POMGNT2: variants seen among roughly 807,000 people sequenced by gnomAD.
The protein encoded by POMGNT2 is protein O-linked mannose N-acetylglucosaminyltransferase 2 (beta 1,4-), also known as protein O-linked-mannose beta-1,4-N-acetylglucosaminyltransferase 2.
POMGNT2 carries 32 observed loss-of-function variants against 37.8 expected under a neutral mutation model. That is an observed-to-expected ratio of 0.85 (90% CI 0.64 to 1.14). The LOEUF (loss-of-function observed/expected upper bound fraction) is 1.14. Ranked by LOEUF, POMGNT2 falls within the 50% of genes most tolerant of loss-of-function variation. The pLI, the probability that POMGNT2 is intolerant of heterozygous loss-of-function variation, is 0.00. For missense variants in POMGNT2, 705 were observed against 780.6 expected, an observed-to-expected ratio of 0.90 and a Z score of 1.15; for synonymous variants, 340 against 336.8, an observed-to-expected ratio of 1.01 and a Z score of -0.10.
intron 1 of POMGNT2, among the ~76,000 whole-genome samples, chr3:43,091,768 G>A (rs2089945247): frequency 6.6e-6 from 1 of 152,340 alleles, no homozygotes; most frequent in South Asian, 2.1e-4. Flanking sequence ...ATGATGCACT[G>A]AGACAAGACC....
At chr3:43,096,454 T>C (rs536254079) in intron 1 of POMGNT2, among the ~76,000 whole-genome samples, 1 of 152,336 alleles carries the variant, frequency 6.6e-6, no homozygotes, top group East Asian at 1.9e-4. Flanking sequence ...TATTACTCCA[T>C]TTTATAGATT....
chr3:43,104,193 C>T (rs182656428), intron 1 of POMGNT2, among the ~76,000 whole-genome samples: 114 of 152,282 alleles, frequency 7.5e-4, no homozygotes, highest in Non-Finnish European at 1.2e-3. Flanking sequence ...CTCCAAAGCC[C>T]GTGATGACAT....
In POMGNT2 at chr3:43,080,439, G is replaced by A. The variant is rs1173533943; in HGVS notation, c.993C>T (p.Val331=). The part of the protein sequence containing the change: ...VSLEDHTFAD[V]VRLVSNASML... ...TGGAGGCATTGCTGACCAGCCGCACGACATCAGCAAAGGTGTGGTCCTCCA... is the reference window on the plus strand; with the variant it reads ...TGGAGGCATTGCTGACCAGCCGCACAACATCAGCAAAGGTGTGGTCCTCCA... The change falls in exon 2 of 2, where the codon GTC becomes GTT. Residue 331 remains valine, a synonymous_variant. Transcript: ENST00000344697. 1.2e-6 allele frequency: 2 copies of A among 1,614,162 alleles called. No individual in the cohort carries two copies. The highest frequency in any genetic ancestry group is 8.5e-7 in the Non-Finnish European group (1 of 1,180,030).
At position 43,095,215 on chromosome 3, in the gene POMGNT2, TGAG is replaced by T. The variant is rs199963320; in HGVS notation, c.-106+10618_-106+10620del. On this transcript the variant is annotated intron_variant, in intron 1 of 1. Transcript: ENST00000344697. ...GGGCTGCCCAGATGGAGTCTTGCCA[TGAG>T]GAGGTGAGAGGTGGCACTTGGAGGC... 8.5e-3 allele frequency among the ~76,000 whole-genome samples: 1,287 copies of T among 152,226 alleles called. 22 individuals are homozygous for T. The highest frequency in any genetic ancestry group is 0.029 in the African/African-American group (1,211 of 41,528).
At chr3:43,095,783 A>G (rs2089975576) in intron 1 of POMGNT2, among the ~76,000 whole-genome samples, 1 of 152,192 alleles carries the variant, frequency 6.6e-6, no homozygotes, top group Non-Finnish European at 1.5e-5. Flanking sequence ...TCCAGTCTTC[A>G]TTAAAGTGGG....
At chr3:43,084,877 CTTCT>C (rs1262238664) in intron 1 of POMGNT2, among the ~76,000 whole-genome samples, 15 of 150,902 alleles carry the variant, frequency 9.9e-5, no homozygotes, top group Non-Finnish European at 8.8e-5. Flanking sequence ...GTTTTTATAA[CTTCT>C]TTTTTTTTGC....
intron 1 of POMGNT2, 50 bp downstream of exon 1, chr3:43,105,786 C>G (rs1330261577): frequency 6.6e-6 from 1 of 152,170 alleles, no homozygotes; most frequent in Non-Finnish European, 1.5e-5. Flanking sequence ...ACTTCAAGTC[C>G]CAGGCGGGTG....
In POMGNT2 at chr3:43,080,471, C is replaced by T. The variant is rs918587505; in HGVS notation, c.961G>A (p.Val321Met). The T allele has an allele frequency of 2.5e-6, 4 of 1,614,078 alleles. No homozygotes were observed. The East Asian group carries it at 8.9e-5, about 36-fold the overall frequency. Reference protein sequence around the residue: ...AQEFQMKTVTVSLEDHTFADV... With the variant: ...AQEFQMKTVTMSLEDHTFADV... ...GCAAAGGTGTGGTCCTCCAGGGACACTGTCACTGTCTTCATCTGGAACTCC... is the reference window on the plus strand; with the variant it reads ...GCAAAGGTGTGGTCCTCCAGGGACATTGTCACTGTCTTCATCTGGAACTCC... Residue 321 changes from valine to methionine, a missense_variant, in exon 2 of 2, where the codon GTG (valine) becomes ATG (methionine). Val to Met is a conservative substitution (Grantham distance 21). Transcript: ENST00000344697.
At position 43,081,069 on chromosome 3, in the gene POMGNT2, G is replaced by A. The variant is rs200345083; in HGVS notation, c.363C>T (p.Thr121=). The change falls in exon 2 of 2, where the codon ACC becomes ACT. Residue 121 remains threonine (T), a synonymous_variant. Transcript: ENST00000344697. ...RFQPALLDLS[T]VEDHNTQYFN... ...AGTACTGAGTGTTGTGGTCCTCCACGGTGGATAGGTCGAGCAGGGCTGGCT... is the reference window on the plus strand; with the variant it reads ...AGTACTGAGTGTTGTGGTCCTCCACAGTGGATAGGTCGAGCAGGGCTGGCT... 5.6e-5 allele frequency: 90 copies of A among 1,614,226 alleles called. 1 individual carries two copies. Among genetic ancestry groups the A allele is most frequent in the Middle Eastern group, 3.3e-4 (2 of 6,062 alleles).
rs1450186714 is a variant in POMGNT2 at position 43,105,668 on chromosome 3, C to T, written c.-106+168G>A. 4.4e-4 allele frequency among the ~76,000 whole-genome samples: 67 copies of T among 151,274 alleles called. 3 individuals carry two copies. Among genetic ancestry groups the T allele is most frequent in the Non-Finnish European group, 3.0e-5 (2 of 67,772 alleles). On this transcript the variant is annotated intron_variant, in intron 1 of 1. Transcript: ENST00000344697. ...TCAGCTCGCTTCACACGTCACCCCTCAGTTCTGCAAACTCTCCTGGATCCC... is the reference window on the plus strand; with the variant it reads ...TCAGCTCGCTTCACACGTCACCCCTTAGTTCTGCAAACTCTCCTGGATCCC...
At chr3:43,085,214 T>C (rs1053107725) in intron 1 of POMGNT2, among the ~76,000 whole-genome samples, 5 of 152,162 alleles carry the variant, frequency 3.3e-5, no homozygotes, top group African/African-American at 1.2e-4. Context: ...GGACGTATGT[T>C]ACTACTAGGC....
intron 1 of POMGNT2, among the ~76,000 whole-genome samples, chr3:43,095,052 C>T (rs1340994104): frequency 6.6e-6 from 1 of 152,202 alleles, no homozygotes; most frequent in Non-Finnish European, 1.5e-5. Context: ...TTGCTAAATC[C>T]TTCCTTGCCC....
intron 1 of POMGNT2, among the ~76,000 whole-genome samples, chr3:43,104,531 G>A (rs1031252544): frequency 4.3e-4 from 65 of 152,320 alleles, no homozygotes; most frequent in Admixed American, 9.1e-4. Flanking sequence ...CGTTCTCGCA[G>A]GGGCCCAAGG....
rs138912858 is a variant in POMGNT2 at position 43,102,912 on chromosome 3, C to T, written c.-106+2924G>A. Among the ~76,000 whole-genome samples, 515 of 152,216 alleles carry T rather than the reference C, an allele frequency of 3.4e-3. 2 individuals are homozygous for T. The highest frequency in any genetic ancestry group is 6.3e-3 in the Admixed American group (96 of 15,294). ...TGTGGTGGCCCTGGAAATGTAGAAC[C>T]ACAGGCCCTGGACTGTAACTTAGCA... On this transcript the variant is annotated intron_variant, in intron 1 of 1. Transcript: ENST00000344697.
chr3:43,085,603 G>A (rs1367117862), intron 1 of POMGNT2, among the ~76,000 whole-genome samples: 1 of 152,122 alleles, frequency 6.6e-6, no homozygotes, highest in Non-Finnish European at 1.5e-5. Flanking sequence ...GGAACTGTAA[G>A]TCCAATAAAC....
chr3:43,100,928 T>G (rs1292393177), intron 1 of POMGNT2, among the ~76,000 whole-genome samples: 1 of 152,218 alleles, frequency 6.6e-6, no homozygotes, highest in Non-Finnish European at 1.5e-5. Context: ...TATGTGAGTC[T>G]TTCTGGGACA....
At chr3:43,087,235 G>T (rs1473929410) in intron 1 of POMGNT2, among the ~76,000 whole-genome samples, 1 of 152,210 alleles carries the variant, frequency 6.6e-6, no homozygotes, top group East Asian at 1.9e-4. Flanking sequence ...GCCACTAAAT[G>T]TGTGCTAATT....
At chr3:43,094,442 C>T (rs2089965138) in intron 1 of POMGNT2, among the ~76,000 whole-genome samples, 1 of 152,220 alleles carries the variant, frequency 6.6e-6, no homozygotes, top group Admixed American at 6.5e-5. Flanking sequence ...GTGGGGCTAT[C>T]ACAGCCTGGA....
At position 43,106,016 on chromosome 3, in the gene POMGNT2, C is replaced by T. The variant is rs1193567958; in HGVS notation, c.-286G>A. 2 of 151,408 alleles carry T rather than the reference C, an allele frequency of 1.3e-5. No individual in the cohort carries two copies. The highest frequency in any genetic ancestry group is 2.9e-5 in the Non-Finnish European group (2 of 67,876). The allele number at this position is 151,408 out of a possible 1,614,324, so 9.4% of individuals were successfully genotyped here. On this transcript the variant is annotated 5_prime_UTR_variant, in exon 1 of 2. Transcript: ENST00000344697. ...CCGCCGGGTTCGCAGCGACCGCCACCTCCAGGCTCGCAGGTGTCCGCCGTG... is the reference window on the plus strand; with the variant it reads ...CCGCCGGGTTCGCAGCGACCGCCACTTCCAGGCTCGCAGGTGTCCGCCGTG...
Sources: allele counts gnomAD v4.1 joint callset (sites outside exome capture counted in the v4.1 genomes callset), GRCh38; gene constraint gnomAD v4.1.1; transcripts MANE v1.5; gene names NCBI Gene and HGNC (gene_info 2026-07-23, HGNC 2026-07-21).